The following MND1 variants were observed in gnomAD, a reference collection of about 807,000 sequenced individuals.
MND1 encodes the protein meiotic nuclear divisions 1.
A neutral mutation model predicts 35.1 loss-of-function variants in MND1; 28 were observed. That is an observed-to-expected ratio of 0.80 (90% CI 0.59 to 1.09). MND1 has a LOEUF of 1.09. Ranked by LOEUF, MND1 falls within the 50% of genes least tolerant of loss-of-function variation. The pLI is 0.00. For synonymous variants in MND1, 69 were observed against 70.5 expected, an observed-to-expected ratio of 0.98 and a Z score of 0.11; for missense variants, 213 against 239.6, an observed-to-expected ratio of 0.89 and a Z score of 0.73.
At chr4:153,384,443 A>ATTTTTTTTTTTTTTTTTTTTTTT (rs561004288) in intron 4 of MND1, among the ~76,000 whole-genome samples, 2 of 63,190 alleles carry the variant, frequency 3.2e-5, no homozygotes, top group Admixed American at 2.2e-4. Context: ...CTAATGTTTA[A>ATTTTTTTTTTTTTTTTTTTTTTT]TTTTTTTTTT....
chr4:153,381,686 ATATATATTTTTTTTTT>A lies in MND1; in HGVS notation c.277-12574_277-12559del, dbSNP rs1258318982. On this transcript the variant is annotated intron_variant, in intron 4 of 7. Transcript: ENST00000240488. ...TAATATAATATATATATATATATAT[ATATATATTTTTTTTTT>A]TTTTTTTTTTTTTTTTTTTTTAAGA... 6.2e-3 allele frequency: 139 copies of A among 22,476 alleles called. 1 individual carries two copies. The highest frequency in any genetic ancestry group is 0.031 in the South Asian group (22 of 716). The allele number at this position is 22,476 out of a possible 1,614,324, so 1.4% of individuals were successfully genotyped here. A position where few individuals can be genotyped will look rare whatever the true frequency, so the allele number is the denominator to read the frequency against.
chr4:153,387,569 G>T (rs1456743326), intron 4 of MND1, among the ~76,000 whole-genome samples: 1 of 151,950 alleles, frequency 6.6e-6, no homozygotes, highest in Non-Finnish European at 1.5e-5. Context: ...GACCAGCCTG[G>T]ACAACATAGT....
At chr4:153,388,490 AAAAT>A (rs772221916) in intron 4 of MND1, among the ~76,000 whole-genome samples, 94 of 152,344 alleles carry the variant, frequency 6.2e-4, no homozygotes, top group Middle Eastern at 3.4e-3. Flanking sequence ...CTGTCTCAAA[AAAAT>A]AAATAAAGAT....
Position 153,359,397 on chromosome 4 carries a change from G to A in MND1, c.276+775G>A, listed in dbSNP as rs564116681. ...TCTTTTTATTGCTGAATAATATTTC[G>A]TTATATGAATATACCACAGTTTGTT... On this transcript the variant is annotated intron_variant, in intron 4 of 7. Coordinates refer to ENST00000240488, the MANE Select transcript of MND1 (RefSeq NM_032117.4). 1.2e-4 allele frequency among the ~76,000 whole-genome samples: 19 copies of A among 152,082 alleles called. No homozygotes were observed. The East Asian group carries it at 1.9e-3, about 15-fold the overall frequency.
chr4:153,399,457 C>T (rs1729284791), intron 6 of MND1, among the ~76,000 whole-genome samples: 1 of 152,142 alleles, frequency 6.6e-6, no homozygotes, highest in Non-Finnish European at 1.5e-5. Context: ...TGACCCTGAG[C>T]CAGTGGATCA....
intron 4 of MND1, among the ~76,000 whole-genome samples, chr4:153,365,209 C>T (rs977974514): frequency 2.0e-5 from 3 of 151,962 alleles, no homozygotes; most frequent in Non-Finnish European, 4.4e-5. Context: ...GGAGAGCTGG[C>T]GAAGTAAATA....
At chr4:153,358,672 G>A (rs1313933937) in intron 4 of MND1, 50 bp downstream of exon 4, 21 of 1,526,040 alleles carry the variant, frequency 1.4e-5, no homozygotes, top group Non-Finnish European at 1.8e-5. Context: ...ACGGAGAGTT[G>A]TTTTACTTCA....
At chr4:153,365,085 C>T (rs370401782) in intron 4 of MND1, among the ~76,000 whole-genome samples, 46 of 143,452 alleles carry the variant, frequency 3.2e-4, no homozygotes, top group African/African-American at 1.2e-3. Flanking sequence ...ACTGAAGAAC[C>T]AGATGTTGTT....
chr4:153,368,848 A>G (rs908155828), intron 4 of MND1, among the ~76,000 whole-genome samples: 15 of 152,234 alleles, frequency 9.9e-5, no homozygotes, highest in African/African-American at 3.4e-4. Flanking sequence ...TTAGTTATCC[A>G]TTGCTATGTA....
chr4:153,402,193 G>C (rs1289005615), intron 6 of MND1, among the ~76,000 whole-genome samples: 1 of 152,098 alleles, frequency 6.6e-6, no homozygotes, highest in Non-Finnish European at 1.5e-5. Flanking sequence ...TCAAAGAAGT[G>C]ATATTTAAAA....
chr4:153,410,019 T>G lies in MND1; in HGVS notation c.511+1004T>G, dbSNP rs1729637204. Among the ~76,000 whole-genome samples, 5 of 152,174 alleles carry G rather than the reference T, an allele frequency of 3.3e-5. No individual in the cohort carries two copies. The South Asian group carries it at 1.0e-3, about 32-fold the overall frequency. ...GTGTGTGTAGTGGGAGGAACGTGGC[T>G]TTGAAGAGAATCCAAGCTATTCTCC... On this transcript the variant is annotated intron_variant, in intron 7 of 7. Coordinates refer to ENST00000240488, the MANE Select transcript of MND1 (RefSeq NM_032117.4).
Position 153,397,299 on chromosome 4 carries a change from C to T in MND1, c.432C>T (p.Tyr144=). ...AGCTAAAGGCAGAAGTAGAAAAATA[C>T]AAAGACTGTGATCCGCAAGTTGTGG... ...REQLKAEVEK[Y]KDCDPQVVEE... Residue 144 remains tyrosine (Y), a synonymous_variant, in exon 6 of 8, where the codon TAC becomes TAT. Coordinates refer to ENST00000240488, the MANE Select transcript of MND1 (RefSeq NM_032117.4). 1 of 1,612,554 alleles carries T rather than the reference C, an allele frequency of 6.2e-7. No individual in the cohort carries two copies. Among genetic ancestry groups the T allele is most frequent in the Non-Finnish European group, 8.5e-7 (1 of 1,179,206 alleles).
At position 153,361,127 on chromosome 4, in the gene MND1, C is replaced by T. The variant is rs780734095; in HGVS notation, c.276+2505C>T. Reference sequence around the variant, plus strand: ...GTGCTGGTGGGTGAGCCACTGCGACCGGCCTGTAACCCTGTGCACTTTATG... The same window carrying T: ...GTGCTGGTGGGTGAGCCACTGCGACTGGCCTGTAACCCTGTGCACTTTATG... On this transcript the variant is annotated intron_variant, in intron 4 of 7. Transcript: ENST00000240488. Among the ~76,000 whole-genome samples, 10 of 152,174 alleles carry T rather than the reference C, an allele frequency of 6.6e-5. No homozygotes were observed. In the South Asian group the frequency reaches 1.4e-3, roughly 22 times the overall value.
intron 5 of MND1, among the ~76,000 whole-genome samples, chr4:153,396,701 T>G (rs1729205778): frequency 6.6e-6 from 1 of 152,158 alleles, no homozygotes. Context: ...AAAGAATAGG[T>G]GGTGGGAGGC....
At chr4:153,361,868 T>C (rs1485032847) in intron 4 of MND1, among the ~76,000 whole-genome samples, 1 of 151,962 alleles carries the variant, frequency 6.6e-6, no homozygotes, top group African/African-American at 2.4e-5. Flanking sequence ...TCTAAGGTGG[T>C]ATTACTTAAG....
At chr4:153,351,135 A>G (rs894719083) in intron 2 of MND1, among the ~76,000 whole-genome samples, 1 of 152,146 alleles carries the variant, frequency 6.6e-6, no homozygotes. Flanking sequence ...GAGTTGAAAT[A>G]TTTTTCCTAT....
chr4:153,347,600 G>A (rs1773105089), intron 1 of MND1, among the ~76,000 whole-genome samples: 1 of 152,192 alleles, frequency 6.6e-6, no homozygotes, highest in Non-Finnish European at 1.5e-5. Flanking sequence ...ATACGGACAA[G>A]TAAACATCTT....
chr4:153,393,414 A>T (rs1472085620), intron 4 of MND1, among the ~76,000 whole-genome samples: 1 of 140,120 alleles, frequency 7.1e-6, no homozygotes, highest in African/African-American at 2.7e-5. Context: ...TCTGTCACCC[A>T]GGCTGGAGTG....
rs75333454 is a variant in MND1, at chr4:153,390,432, A to G, written c.277-3830A>G. On this transcript the variant is annotated intron_variant, in intron 4 of 7. Transcript: ENST00000240488. ...GAATTCCATGCTTCACATTTGAAAT[A>G]TGTAAGATTATTTTCATAATTAAGG... 5.5e-3 allele frequency among the ~76,000 whole-genome samples: 839 copies of G among 152,326 alleles called. 6 individuals carry two copies. The highest frequency in any genetic ancestry group is 0.019 in the African/African-American group (785 of 41,562).
Sources: gnomAD v4.1 joint callset for allele counts (sites outside exome capture counted in the v4.1 genomes callset) on GRCh38, gnomAD v4.1.1 for gene constraint, MANE v1.5 for transcripts, NCBI Gene and HGNC (gene_info 2026-07-23, HGNC 2026-07-21) for gene names.